Variants in THSD7B observed in about 807,000 individuals in gnomAD.
THSD7B encodes the protein thrombospondin type-1 domain-containing protein 7B.
Under a neutral mutation model 213.6 loss-of-function variants are expected in THSD7B, and 138 were observed. The observed-to-expected ratio is 0.65, with a 90% CI of 0.56 to 0.74. THSD7B has a LOEUF of 0.74. Among genes scored for constraint, THSD7B ranks in the 30% least tolerant of loss-of-function variants. THSD7B has a pLI of 0.00. For synonymous variants in THSD7B, 742 were observed against 687.0 expected (o/e 1.08, Z -1.25); for missense variants, 1,931 against 1,991.5 (o/e 0.97, Z 0.58).
chr2:137,152,686 G>A (rs1009415104), intron 5 of THSD7B, among the ~76,000 whole-genome samples: 3 of 152,146 alleles, frequency 2.0e-5, no homozygotes, highest in African/African-American at 7.2e-5. Context: ...GATCATTCCT[G>A]GGAAGACTTG....
At chr2:136,775,470 TC>T (rs1681583335) in intron 1 of THSD7B, among the ~76,000 whole-genome samples, 1 of 152,102 alleles carries the variant, frequency 6.6e-6, no homozygotes, top group African/African-American at 2.4e-5. Flanking sequence ...ACATCTTTTT[TC>T]AACATGCCAG....
intron 4 of THSD7B, among the ~76,000 whole-genome samples, chr2:137,100,277 C>T (rs772118634): frequency 1.3e-5 from 2 of 152,062 alleles, no homozygotes; most frequent in South Asian, 2.1e-4. Flanking sequence ...TTGTTCAAAA[C>T]CTGCTTTGGC....
At chr2:137,636,755 A>G (rs369329365) in intron 20 of THSD7B, among the ~76,000 whole-genome samples, 6 of 152,354 alleles carry the variant, frequency 3.9e-5, no homozygotes, top group East Asian at 3.9e-4. Context: ...TAGTCATATC[A>G]TTTACTAGTT....
At chr2:137,528,964 G>A (rs1199631873) in intron 15 of THSD7B, among the ~76,000 whole-genome samples, 2 of 152,008 alleles carry the variant, frequency 1.3e-5, no homozygotes, top group East Asian at 3.9e-4. Context: ...GGCATTCCTT[G>A]AGCATACAAT....
At chr2:137,191,030 G>T (rs1300617481) in intron 7 of THSD7B, among the ~76,000 whole-genome samples, 1 of 152,194 alleles carries the variant, frequency 6.6e-6, no homozygotes, top group African/African-American at 2.4e-5. Context: ...GCTGCCTACT[G>T]CAGTGTGCCT....
At chr2:137,075,176 A>T (rs1258491970) in intron 3 of THSD7B, among the ~76,000 whole-genome samples, 1 of 152,180 alleles carries the variant, frequency 6.6e-6, no homozygotes, top group Non-Finnish European at 1.5e-5. Context: ...TATCCTGCAG[A>T]GTATTTTCCA....
chr2:136,980,300 C>A (rs926989058), intron 2 of THSD7B, among the ~76,000 whole-genome samples: 1 of 152,270 alleles, frequency 6.6e-6, no homozygotes, highest in South Asian at 2.1e-4. Context: ...AAGTGCTTGG[C>A]GCTGGGGGGA....
At chr2:136,974,073 T>C (rs1685443399) in intron 2 of THSD7B, among the ~76,000 whole-genome samples, 1 of 152,236 alleles carries the variant, frequency 6.6e-6, no homozygotes, top group African/African-American at 2.4e-5. Context: ...ATATTTATTT[T>C]CATCTTGCCA....
intron 12 of THSD7B, among the ~76,000 whole-genome samples, chr2:137,339,992 A>G (rs1438570927): frequency 6.6e-6 from 1 of 151,520 alleles, no homozygotes; most frequent in African/African-American, 2.4e-5. Flanking sequence ...AAGGTCTAAT[A>G]ATTCTGTCAT....
At position 137,660,913 on chromosome 2, in the gene THSD7B, T is replaced by C. The variant is rs75534517; in HGVS notation, c.4458+1167T>C. Reference sequence around the variant, plus strand: ...ACTATAACATGTGCTCTTACTTTTTTTCTTTTGTAGAAGATTGAGGTGCTT... The same window carrying C: ...ACTATAACATGTGCTCTTACTTTTTCTCTTTTGTAGAAGATTGAGGTGCTT... On this transcript the variant is annotated intron_variant, in intron 25 of 27. Coordinates refer to ENST00000409968, the MANE Select transcript of THSD7B (RefSeq NM_001316349.2). Among the ~76,000 whole-genome samples the C allele has an allele frequency of 4.3e-4, 65 of 152,368 alleles. 1 individual carries two copies. In the East Asian group the frequency reaches 0.012, roughly 27 times the overall value.
intron 1 of THSD7B, among the ~76,000 whole-genome samples, chr2:136,813,687 A>T (rs1419707691): frequency 6.6e-6 from 1 of 151,992 alleles, no homozygotes; most frequent in Non-Finnish European, 1.5e-5. Flanking sequence ...AATTTCTAAG[A>T]GTGATTTTTT....
At chr2:137,119,057 AG>A (rs1367222561) in intron 5 of THSD7B, among the ~76,000 whole-genome samples, 1 of 152,148 alleles carries the variant, frequency 6.6e-6, no homozygotes, top group Non-Finnish European at 1.5e-5. Context: ...GAATTATGGG[AG>A]GTATAATTCA....
intron 1 of THSD7B, among the ~76,000 whole-genome samples, chr2:136,835,085 C>T (rs1272577282): frequency 6.6e-6 from 1 of 152,214 alleles, no homozygotes; most frequent in East Asian, 1.9e-4. Flanking sequence ...ACACGCAACT[C>T]TGATCACACC....
intron 26 of THSD7B, among the ~76,000 whole-genome samples, chr2:137,666,828 G>A (rs564531390): frequency 2.0e-5 from 3 of 152,090 alleles, no homozygotes; most frequent in Admixed American, 1.3e-4. Flanking sequence ...ATATACTCAA[G>A]CTTATATCTT....
chr2:137,550,774 C>T (rs954498891), intron 15 of THSD7B, among the ~76,000 whole-genome samples: 1 of 151,928 alleles, frequency 6.6e-6, no homozygotes, highest in African/African-American at 2.4e-5. Flanking sequence ...TAGGGGTTGG[C>T]TTGATTTTGA....
intron 2 of THSD7B, among the ~76,000 whole-genome samples, chr2:136,980,920 T>C (rs561133812): frequency 1.3e-5 from 2 of 152,196 alleles, no homozygotes; most frequent in East Asian, 3.9e-4. Context: ...ACCTTGCTTT[T>C]CCTCGCTCTC....
Position 136,773,786 on chromosome 2 carries a change from A to G in THSD7B, c.-36+8099A>G, listed in dbSNP as rs186730289. The stretch of plus-strand genomic sequence containing the variant: ...CTTTTAACGGTACATACCAGACTAC[A>G]TAGTAGAGGGTTTCCTTTTAACTGT... On this transcript the variant is annotated intron_variant, in intron 1 of 27. Transcript: ENST00000409968. 1.9e-3 allele frequency among the ~76,000 whole-genome samples: 288 copies of G among 152,150 alleles called. 2 individuals carry two copies. Among genetic ancestry groups the G allele is most frequent in the Middle Eastern group, 3.4e-3 (1 of 294 alleles).
chr2:137,012,735 G>T (rs550162392), intron 2 of THSD7B, among the ~76,000 whole-genome samples: 37 of 152,200 alleles, frequency 2.4e-4, no homozygotes, highest in Non-Finnish European at 4.9e-4. Context: ...TGGTTTCCCA[G>T]TGTGTTCACT....
intron 21 of THSD7B, among the ~76,000 whole-genome samples, chr2:137,643,573 T>A (rs1682976115): frequency 6.6e-6 from 1 of 152,228 alleles, no homozygotes; most frequent in Admixed American, 6.5e-5. Context: ...TTAATAGCTT[T>A]AAATATTAAT....
Sources: allele counts gnomAD v4.1 joint callset (sites outside exome capture counted in the v4.1 genomes callset), GRCh38; gene constraint gnomAD v4.1.1; transcripts MANE v1.5; gene names NCBI Gene and HGNC (gene_info 2026-07-23, HGNC 2026-07-21).